The following GALNT2 variants were observed in gnomAD, a reference collection of about 807,000 sequenced individuals.
The protein encoded by GALNT2 is polypeptide N-acetylgalactosaminyltransferase 2.
A neutral mutation model predicts 81.4 loss-of-function variants in GALNT2; 31 were observed. The ratio of observed to expected loss-of-function variants is 0.38; its 90% CI spans 0.29 to 0.51. The LOEUF is 0.51. GALNT2 is among the 20% of genes least tolerant of loss of function. The pLI, the probability that GALNT2 is intolerant of heterozygous loss-of-function variation, is 0.87. For missense variants in GALNT2, 629 were observed against 765.7 expected, an observed-to-expected ratio of 0.82 and a Z score of 2.11; for synonymous variants, 303 against 287.4, an observed-to-expected ratio of 1.05 and a Z score of -0.55.
intron 11 of GALNT2, among the ~76,000 whole-genome samples, chr1:230,260,653 G>C (rs1055896163): frequency 1.4e-4 from 22 of 152,298 alleles, no homozygotes; most frequent in Non-Finnish European, 2.5e-4. Flanking sequence ...AAACTGACTA[G>C]GCATAGGTTA....
Position 230,258,161 on chromosome 1 carries a change from C to T in GALNT2, c.1136+2817C>T, listed in dbSNP as rs1389605478. ...AACTCCTGACCTCAGGTGATCTGCC[C>T]ACCTCGGCCTCCCAAAGTGCTGGGA... is the stretch of plus-strand genomic sequence containing the variant. On this transcript the variant is annotated intron_variant, in intron 11 of 15. Coordinates refer to ENST00000366672, the MANE Select transcript of GALNT2 (RefSeq NM_004481.5). Among the ~76,000 whole-genome samples, 9 of 152,270 alleles carry T rather than the reference C, an allele frequency of 5.9e-5. No homozygotes were observed. The East Asian group carries it at 1.5e-3, about 26-fold the overall frequency.
Position 230,275,891 on chromosome 1 carries a change from A to G in GALNT2, c.1560+1327A>G, listed in dbSNP as rs751312864. 1.3e-5 allele frequency among the ~76,000 whole-genome samples: 2 copies of G among 151,332 alleles called. No individual in the cohort carries two copies. Among genetic ancestry groups the G allele is most frequent in the South Asian group, 2.1e-4 (1 of 4,828 alleles). On this transcript the variant is annotated intron_variant, in intron 15 of 15. Transcript: ENST00000366672. This position sits in a 1 kb window ranked among gnomAD's most constrained non-coding sequence, Gnocchi z 5.5. ...ATAAATGCCACAGATATATACATAT[A>G]TAAACACCACATATATACATAGACA...
intron 14 of GALNT2, among the ~76,000 whole-genome samples, chr1:230,272,650 C>T (rs1666186243): frequency 1.3e-5 from 2 of 152,268 alleles, no homozygotes; most frequent in South Asian, 2.1e-4. Context: ...GACGGGTGTC[C>T]GTGCCTCTGC....
At chr1:230,072,957 T>G (rs1417369620) in intron 1 of GALNT2, among the ~76,000 whole-genome samples, 1 of 152,224 alleles carries the variant, frequency 6.6e-6, no homozygotes, top group Non-Finnish European at 1.5e-5. Context: ...CTTTTCCCTC[T>G]GAGTAAGTCT....
At chr1:230,244,401 A>G (rs1665300643) in intron 7 of GALNT2, among the ~76,000 whole-genome samples, 1 of 152,090 alleles carries the variant, frequency 6.6e-6, no homozygotes, top group Non-Finnish European at 1.5e-5. Context: ...AGTTTCATTA[A>G]ATCCCTATCT....
At chr1:230,082,773 A>C (rs911481623) in intron 1 of GALNT2, among the ~76,000 whole-genome samples, 3 of 152,172 alleles carry the variant, frequency 2.0e-5, no homozygotes. Context: ...ATCCAGGCTG[A>C]TACATCAGGG....
intron 1 of GALNT2, among the ~76,000 whole-genome samples, chr1:230,080,374 CAGGGA>C: frequency 6.6e-6 from 1 of 152,258 alleles, no homozygotes; most frequent in Middle Eastern, 3.4e-3. Context: ...CCTGTTGACC[CAGGGA>C]GCAGGCCTTG....
At chr1:230,080,274 G>C (rs904118053) in intron 1 of GALNT2, among the ~76,000 whole-genome samples, 4 of 152,166 alleles carry the variant, frequency 2.6e-5, no homozygotes, top group Non-Finnish European at 5.9e-5. Context: ...AGCTATGTAA[G>C]TTTTTATTTT....
chr1:230,155,048 G>T (rs1250020340), intron 1 of GALNT2, among the ~76,000 whole-genome samples: 1 of 152,088 alleles, frequency 6.6e-6, no homozygotes, highest in Non-Finnish European at 1.5e-5. Flanking sequence ...TGGGGCTGGG[G>T]CTTTGGTTTC....
Position 230,167,294 on chromosome 1 carries a change from C to G in GALNT2, c.127-10924C>G, listed in dbSNP as rs1472724374. On this transcript the variant is annotated intron_variant, in intron 1 of 15. Coordinates refer to ENST00000366672, the MANE Select transcript of GALNT2 (RefSeq NM_004481.5). Reference sequence around the variant, plus strand: ...CCAAGTAGCTGGGACTACAGCTGTGCATCCCCACACCTGGCTAATTTTTAA... The same window carrying G: ...CCAAGTAGCTGGGACTACAGCTGTGGATCCCCACACCTGGCTAATTTTTAA... Among the ~76,000 whole-genome samples, 3 of 152,060 alleles carry G rather than the reference C, an allele frequency of 2.0e-5. No individual in the cohort carries two copies. The East Asian group carries it at 5.8e-4, about 29-fold the overall frequency.
chr1:230,085,331 CT>C (rs1659866927), intron 1 of GALNT2, among the ~76,000 whole-genome samples: 1 of 152,208 alleles, frequency 6.6e-6, no homozygotes, highest in Non-Finnish European at 1.5e-5. Flanking sequence ...ATCTGAGCCC[CT>C]ATCCTGTCCC....
intron 2 of GALNT2, among the ~76,000 whole-genome samples, chr1:230,191,131 G>C (rs1663510836): frequency 6.6e-6 from 1 of 152,212 alleles, no homozygotes; most frequent in Non-Finnish European, 1.5e-5. Flanking sequence ...TAATGGAGCT[G>C]TTTAAAAATA....
rs542516896 is a variant in GALNT2, at chr1:230,273,986, C to T, written c.1441-459C>T. Among the ~76,000 whole-genome samples, 3 of 152,340 alleles carry T rather than the reference C, an allele frequency of 2.0e-5. No homozygotes were observed. In the East Asian group the frequency reaches 5.8e-4, roughly 29 times the overall value. On this transcript the variant is annotated intron_variant, in intron 14 of 15. Transcript: ENST00000366672. ...GCAATGTGTTATTTACTACAGTTCA[C>T]ATTCATCAATGCTGTTTGCAGGCCA...
chr1:230,123,433 G>A (rs1431317291), intron 1 of GALNT2, among the ~76,000 whole-genome samples: 1 of 152,150 alleles, frequency 6.6e-6, no homozygotes, highest in Admixed American at 6.5e-5. Context: ...TTGAAGAGGG[G>A]CACATGCAGG....
intron 4 of GALNT2, 60 bp from the exon 5 acceptor site, chr1:230,236,293 C>A: frequency 6.5e-7 from 1 of 1,537,650 alleles, no homozygotes; most frequent in Non-Finnish European, 9.0e-7. Context: ...TTTTCTACCC[C>A]AGGCTAAAAG....
At chr1:230,132,498 C>CT (rs1661400226) in intron 1 of GALNT2, among the ~76,000 whole-genome samples, 1 of 152,188 alleles carries the variant, frequency 6.6e-6, no homozygotes, top group African/African-American at 2.4e-5. Flanking sequence ...CTAGTTGGGT[C>CT]TGTCTCTTCC....
intron 6 of GALNT2, among the ~76,000 whole-genome samples, chr1:230,237,613 G>C (rs139929311): frequency 6.6e-6 from 1 of 152,228 alleles, no homozygotes; most frequent in East Asian, 1.9e-4. Flanking sequence ...TGTTAGAACA[G>C]CATCATATTT....
chr1:230,141,901 C>T (rs1661752305), intron 1 of GALNT2, among the ~76,000 whole-genome samples: 1 of 151,558 alleles, frequency 6.6e-6, no homozygotes, highest in African/African-American at 2.4e-5. Context: ...ATTTTCCCGC[C>T]TCTGCCTCCC....
chr1:230,179,417 C>A (rs1305797878), intron 2 of GALNT2, among the ~76,000 whole-genome samples: 1 of 152,208 alleles, frequency 6.6e-6, no homozygotes, highest in Non-Finnish European at 1.5e-5. Flanking sequence ...CCATTCCCAC[C>A]ACAGTGAGTG....
Sources: gnomAD v4.1 joint callset for allele counts (sites outside exome capture counted in the v4.1 genomes callset) on GRCh38, gnomAD v4.1.1 for gene constraint, Gnocchi (gnomAD v3.1) non-coding constraint, MANE v1.5 for transcripts, NCBI Gene and HGNC (gene_info 2026-07-23, HGNC 2026-07-21) for gene names.